ANKS1B: variants seen among roughly 807,000 people sequenced by gnomAD.
ANKS1B encodes ankyrin repeat and sterile alpha motif domain-containing protein 1B.
ANKS1B carries 36 observed loss-of-function variants against 148.3 expected under a neutral mutation model. The ratio of observed to expected loss-of-function variants is 0.24; its 90% confidence interval spans 0.19 to 0.32. The LOEUF (loss-of-function observed/expected upper bound fraction) is 0.32. ANKS1B is among the 10% of genes least tolerant of loss of function. The probability of loss-of-function intolerance (pLI) is 1.00; values close to 1 mark genes in which losing one functional copy is unlikely to be tolerated. For missense variants in ANKS1B, 1,157 were observed against 1,542.6 expected, an observed-to-expected ratio of 0.75 and a Z score of 4.19; for synonymous variants, 542 against 560.8, an observed-to-expected ratio of 0.97 and a Z score of 0.47.
At chr12:99,297,682 G>A (rs1349952959) in intron 12 of ANKS1B, among the ~76,000 whole-genome samples, 1 of 151,954 alleles carries the variant, frequency 6.6e-6, no homozygotes, top group African/African-American at 2.4e-5. Context: ...TGGTCCTTAC[G>A]TGGCCTTCAT....
In ANKS1B at chr12:98,745,766, A is replaced by G; in HGVS notation, c.3831T>C (p.Asn1277=). The change falls in exon 27 of 27, where the codon AAT becomes AAC. Residue 1277 remains asparagine (N), a synonymous_variant. Coordinates refer to ENST00000683438, the MANE Select transcript of ANKS1B (RefSeq NM_001352186.2). ...AGAAAATCGTGGTTTCATACTTGGT[A>G]TTAATGCCCCTCTTGGCTTCTTGGC... ...EPGQEAKRGI[N]TKYETTIF 6.2e-7 allele frequency: 1 copy of G among 1,613,802 alleles called. No individual in the cohort carries two copies. Among genetic ancestry groups the G allele is most frequent in the Non-Finnish European group, 8.5e-7 (1 of 1,179,792 alleles).
chr12:99,885,923 T>C (rs2092802249), intron 1 of ANKS1B, among the ~76,000 whole-genome samples: 1 of 152,208 alleles, frequency 6.6e-6, no homozygotes, highest in African/African-American at 2.4e-5. Flanking sequence ...GTTGCTACAA[T>C]GGACATTATT....
intron 17 of ANKS1B, among the ~76,000 whole-genome samples, chr12:98,898,634 A>G (rs2099768052): frequency 6.6e-6 from 1 of 152,184 alleles, no homozygotes; most frequent in African/African-American, 2.4e-5. Context: ...TTCTTTCTTC[A>G]GTAATTTCAT....
At chr12:99,149,302 G>A (rs963556502) in intron 15 of ANKS1B, among the ~76,000 whole-genome samples, 5 of 152,062 alleles carry the variant, frequency 3.3e-5, no homozygotes, top group African/African-American at 7.2e-5. Context: ...AATGAAATAC[G>A]TATGAGCTCT....
rs1358490757 is a variant in ANKS1B, at chr12:98,829,842, G to T, written c.2887-489C>A. The stretch of plus-strand genomic sequence containing the variant: ...GCATGTCACACGCACAGACTGCAGA[G>T]CAGTGCATGCTACGACAGAGGATGC... On this transcript the variant is annotated intron_variant, in intron 18 of 26. Transcript: ENST00000683438. The surrounding 1 kb of genome is among the most constrained non-coding windows in gnomAD (Gnocchi z 5.2). Among the ~76,000 whole-genome samples, 1 of 152,240 alleles carries T rather than the reference G, an allele frequency of 6.6e-6. No individual in the cohort carries two copies. Among genetic ancestry groups the T allele is most frequent in the African/African-American group, 2.4e-5 (1 of 41,458 alleles).
chr12:99,580,881 C>T (rs535878934), intron 9 of ANKS1B, among the ~76,000 whole-genome samples: 1 of 152,126 alleles, frequency 6.6e-6, no homozygotes, highest in Admixed American at 6.5e-5. Context: ...TCATTATGTG[C>T]CAATTTAAAT....
intron 9 of ANKS1B, among the ~76,000 whole-genome samples, chr12:99,533,307 G>C (rs1215810613): frequency 1.3e-5 from 2 of 152,108 alleles, no homozygotes; most frequent in Admixed American, 1.3e-4. Context: ...TTGTAAATGG[G>C]ATTGAGTTCT....
chr12:99,552,547 C>G (rs2097231356), intron 9 of ANKS1B, among the ~76,000 whole-genome samples: 1 of 152,180 alleles, frequency 6.6e-6, no homozygotes, highest in African/African-American at 2.4e-5. Flanking sequence ...AACATGGCAT[C>G]CTGCCACATT....
chr12:99,238,766 G>A (rs901769246), intron 14 of ANKS1B, among the ~76,000 whole-genome samples: 1 of 152,132 alleles, frequency 6.6e-6, no homozygotes, highest in African/African-American at 2.4e-5. Flanking sequence ...TGATACCCAG[G>A]CAAACAGGGT....
chr12:99,110,459 G>A (rs564024015), intron 15 of ANKS1B, among the ~76,000 whole-genome samples: 106 of 152,292 alleles, frequency 7.0e-4, no homozygotes, highest in African/African-American at 2.3e-3. Context: ...TTCTGCTGTG[G>A]AGACAGAAGT....
At chr12:99,297,319 A>C (rs1047412383) in intron 12 of ANKS1B, among the ~76,000 whole-genome samples, 2 of 152,222 alleles carry the variant, frequency 1.3e-5, no homozygotes, top group Non-Finnish European at 2.9e-5. Flanking sequence ...AGCCCTATCC[A>C]TGTTGCAAAG....
At chr12:99,835,472 G>A (rs1311096267) in intron 1 of ANKS1B, among the ~76,000 whole-genome samples, 3 of 151,842 alleles carry the variant, frequency 2.0e-5, no homozygotes, top group Admixed American at 6.6e-5. Context: ...CCATATATGT[G>A]AATTTAAATT....
intron 12 of ANKS1B, among the ~76,000 whole-genome samples, chr12:99,369,808 GGACGGACGGACA>G (rs1316027158): frequency 7.0e-6 from 1 of 143,086 alleles, no homozygotes; most frequent in Admixed American, 7.0e-5. Flanking sequence ...ACGGACAGAC[GGACGGACGGACA>G]GACGGACGGA....
chr12:99,756,928 C>T (rs2061622791), intron 8 of ANKS1B, among the ~76,000 whole-genome samples: 1 of 151,966 alleles, frequency 6.6e-6, no homozygotes, highest in Non-Finnish European at 1.5e-5. Context: ...CTTCCTCATA[C>T]CATATACAAA....
At chr12:98,743,490 G>A (rs2097821304), downstream of ANKS1B, among the ~76,000 whole-genome samples, 1 of 152,080 alleles carries the variant, frequency 6.6e-6, no homozygotes, top group Admixed American at 6.5e-5. Context: ...TTTTCCCCTT[G>A]AAGAAAATCA....
Position 99,092,572 on chromosome 12 carries a change from C to T in ANKS1B, c.2527-7549G>A, listed in dbSNP as rs535839962. Among the ~76,000 whole-genome samples the T allele has an allele frequency of 2.3e-3, 352 of 152,012 alleles. 3 individuals carry two copies. The highest frequency in any genetic ancestry group is 8.1e-3 in the African/African-American group (337 of 41,434). On this transcript the variant is annotated intron_variant, in intron 15 of 26. Coordinates refer to ENST00000683438, the MANE Select transcript of ANKS1B (RefSeq NM_001352186.2). ...CTAATATGCTGAACGTTTCCCAGTG[C>T]CTCACAAGAGAAAAGTGAGACAGGG...
chr12:99,914,100 G>A (rs2094094954), intron 1 of ANKS1B, among the ~76,000 whole-genome samples: 1 of 152,092 alleles, frequency 6.6e-6, no homozygotes, highest in Non-Finnish European at 1.5e-5. Flanking sequence ...TATTCTTCCT[G>A]GAACCACCTT....
At position 99,725,416 on chromosome 12, in the gene ANKS1B, C is replaced by T. The variant is rs558220416; in HGVS notation, c.1128+47506G>A. ...AAGATAAAAAAAGACAAGGGCATTA[C>T]ATAATGGTAAAGGGATCAATTCAAC... is the stretch of plus-strand genomic sequence containing the variant. On this transcript the variant is annotated intron_variant, in intron 8 of 26. Transcript: ENST00000683438. Among the ~76,000 whole-genome samples the T allele has an allele frequency of 1.3e-3, 201 of 152,272 alleles. No individual in the cohort carries two copies. The Middle Eastern group carries it at 0.017, about 13-fold the overall frequency.
At chr12:98,942,013 C>T (rs951359686) in intron 17 of ANKS1B, among the ~76,000 whole-genome samples, 4 of 152,164 alleles carry the variant, frequency 2.6e-5, no homozygotes, top group East Asian at 1.9e-4. Context: ...GAGGCTGAGG[C>T]GGGTAGATTG....
Sources: allele counts gnomAD v4.1 joint callset (sites outside exome capture counted in the v4.1 genomes callset), GRCh38; gene constraint gnomAD v4.1.1; non-coding constraint Gnocchi (gnomAD v3.1); transcripts MANE v1.5; gene names NCBI Gene and HGNC (gene_info 2026-07-23, HGNC 2026-07-21).